Variants in NFATC2 observed in about 807,000 individuals in gnomAD.
NFATC2 encodes nuclear factor of activated T cells 2.
In NFATC2, 22 loss-of-function variants were observed where a neutral mutation model predicts 87.3. That is an observed-to-expected ratio of 0.25 (90% CI 0.18 to 0.36). The LOEUF (loss-of-function observed/expected upper bound fraction) is 0.36, where lower values mean the gene tolerates loss of function less well. Among genes scored for constraint, NFATC2 ranks in the 10% least tolerant of loss-of-function variants. The probability of loss-of-function intolerance (pLI) is 1.00; values close to 1 mark genes in which losing one functional copy is unlikely to be tolerated. For missense variants in NFATC2, 1,149 were observed against 1,259.1 expected (o/e 0.91, Z 1.32); for synonymous variants, 565 against 542.2 (o/e 1.04, Z -0.58).
intron 2 of NFATC2, among the ~76,000 whole-genome samples, chr20:51,517,533 A>C (rs2076371327): frequency 6.6e-6 from 1 of 151,946 alleles, no homozygotes. Flanking sequence ...TCAAGGTTGC[A>C]ATGAGCTGTG....
intron 6 of NFATC2, among the ~76,000 whole-genome samples, chr20:51,448,559 G>A (rs1292923199): frequency 6.6e-6 from 1 of 152,214 alleles, no homozygotes. Context: ...CAGGAGAATG[G>A]CGTGAACCTG....
At chr20:51,398,548 T>C in intron 10 of NFATC2, 95 bp downstream of exon 10, 1 of 770,856 alleles carries the variant, frequency 1.3e-6, no homozygotes, top group African/African-American at 2.0e-5. Flanking sequence ...CTTCAGCCTG[T>C]CAAGTTTTCT....
chr20:51,550,883 A>G (rs1232030939), intron 1 of NFATC2, among the ~76,000 whole-genome samples: 2 of 152,258 alleles, frequency 1.3e-5, no homozygotes, highest in African/African-American at 4.8e-5. Context: ...ATCGTAAAGA[A>G]AGCCTAAGTC....
rs1182058704 is a variant in NFATC2, at chr20:51,390,677, GT to G, written c.*818del. On this transcript the variant is annotated 3_prime_UTR_variant, in exon 11 of 11. Coordinates refer to ENST00000371564, the MANE Select transcript of NFATC2 (RefSeq NM_012340.5). ...GACAGCTCCAGGGCTAGGTGCCCTG[GT>G]CAGCCTTTTAAAGCAGAAAAAATAA... 1.3e-5 allele frequency: 2 copies of G among 153,904 alleles called. No homozygotes were observed. The highest frequency in any genetic ancestry group is 4.8e-5 in the African/African-American group (2 of 41,444). The allele number at this position is 153,904 out of a possible 1,614,324, so 9.5% of individuals were successfully genotyped here. A position where few individuals can be genotyped will look rare whatever the true frequency, so the allele number is the denominator to read the frequency against.
chr20:51,514,755 C>T (rs933049811), intron 3 of NFATC2, among the ~76,000 whole-genome samples: 1 of 152,180 alleles, frequency 6.6e-6, no homozygotes, highest in South Asian at 2.1e-4. Context: ...CACCTGTAAT[C>T]CCAGCTACTC....
At chr20:51,491,861 AACACACACATACACATACACACACACAC>A (rs1379301393) in intron 3 of NFATC2, among the ~76,000 whole-genome samples, 58 of 64,874 alleles carry the variant, frequency 8.9e-4, no homozygotes, top group Non-Finnish European at 1.5e-4. Flanking sequence ...CACCCCCACC[AACACACACATACACATACACACACACAC>A]ACACACACAC....
rs1983649979 is a variant in NFATC2 at position 51,436,805 on chromosome 20, TA to T, written c.1850-1045del. 2.0e-5 allele frequency among the ~76,000 whole-genome samples: 3 copies of T among 152,234 alleles called. No homozygotes were observed. In the South Asian group the frequency reaches 6.2e-4, roughly 32 times the overall value. On this transcript the variant is annotated intron_variant, in intron 6 of 10. Coordinates refer to ENST00000371564, the MANE Select transcript of NFATC2 (RefSeq NM_012340.5). ...CATTGTTATATGTTACACTTTATCC[TA>T]CGCCAAAGCTGTTAGAGAAGCGCCA...
chr20:51,499,389 C>G (rs374149136), intron 3 of NFATC2, among the ~76,000 whole-genome samples: 2 of 152,204 alleles, frequency 1.3e-5, no homozygotes, highest in African/African-American at 4.8e-5. Flanking sequence ...GGAAGGCCAA[C>G]AGGCCAACTG....
At chr20:51,514,528 A>T (rs559236365) in intron 3 of NFATC2, among the ~76,000 whole-genome samples, 1 of 152,326 alleles carries the variant, frequency 6.6e-6, no homozygotes, top group South Asian at 2.1e-4. Context: ...TAGAATTACA[A>T]GTAGTGGCAG....
chr20:51,527,359 T>C (rs922590247), intron 1 of NFATC2, among the ~76,000 whole-genome samples: 6 of 152,144 alleles, frequency 3.9e-5, no homozygotes, highest in South Asian at 2.1e-4. Flanking sequence ...AAGTACTGCA[T>C]GCTTCTAGAA....
intron 5 of NFATC2, among the ~76,000 whole-genome samples, chr20:51,455,484 G>A (rs1986303247): frequency 6.6e-6 from 1 of 151,572 alleles, no homozygotes; most frequent in Non-Finnish European, 1.5e-5. Context: ...ACCCAGCCCG[G>A]TCCCTCTCTC....
At chr20:51,449,815 G>A (rs1161137773) in intron 6 of NFATC2, among the ~76,000 whole-genome samples, 5 of 152,034 alleles carry the variant, frequency 3.3e-5, no homozygotes, top group Non-Finnish European at 7.4e-5. Context: ...CTATCTTTTG[G>A]GCTCTTATGA....
In NFATC2 at chr20:51,435,223, T is replaced by C. The variant is rs1983384048; in HGVS notation, c.1997A>G (p.Lys666Arg). ...GGTAAAGTGCTGAGGCTGACTTCGT[T>C]TTCTCTTCCCATTGATGACGTAGAA... Reference protein sequence around the residue: ...VNFYVINGKRKRSQPQHFTYH... With the variant: ...VNFYVINGKRRRSQPQHFTYH... The change falls in exon 8 of 11, where the codon AAA becomes AGA. Residue 666 changes from lysine to arginine, a missense_variant. By Grantham distance (26) the Lys-to-Arg change is conservative. This residue lies in a region of NFATC2 where 581 missense variants were observed against 649.7 expected (regional missense o/e 0.89). Coordinates refer to ENST00000371564, the MANE Select transcript of NFATC2 (RefSeq NM_012340.5). 6.2e-7 allele frequency: 1 copy of C among 1,614,186 alleles called. No homozygotes were observed. The highest frequency in any genetic ancestry group is 8.5e-7 in the Non-Finnish European group (1 of 1,180,018).
intron 3 of NFATC2, among the ~76,000 whole-genome samples, chr20:51,499,078 C>T (rs940633342): frequency 4.6e-5 from 7 of 152,068 alleles, no homozygotes; most frequent in East Asian, 1.9e-4. Flanking sequence ...CCGGGTGACA[C>T]GGCCTGGTCC....
chr20:51,507,395 G>C (rs2076202323), intron 3 of NFATC2, among the ~76,000 whole-genome samples: 1 of 152,180 alleles, frequency 6.6e-6, no homozygotes, highest in Non-Finnish European at 1.5e-5. Context: ...CTCAGACGTG[G>C]TTAATTCAAC....
chr20:51,450,289 C>A (rs1477791500), intron 6 of NFATC2, among the ~76,000 whole-genome samples: 2 of 152,320 alleles, frequency 1.3e-5, no homozygotes, highest in East Asian at 3.9e-4. Context: ...CCAGATCTCT[C>A]CCAGCCTAGG....
rs959656006 is a variant in NFATC2 at position 51,389,572 on chromosome 20, C to T, written c.*1924G>A. ...TAGGGGTCAACCTCTTACTGGCATT[C>T]TGTTTATTTAAAAGAGAATTTTGCT... On this transcript the variant is annotated 3_prime_UTR_variant, in exon 11 of 11. Coordinates refer to ENST00000371564, the MANE Select transcript of NFATC2 (RefSeq NM_012340.5). 3.3e-5 allele frequency: 5 copies of T among 152,150 alleles called. No individual in the cohort carries two copies. Among genetic ancestry groups the T allele is most frequent in the Non-Finnish European group, 7.4e-5 (5 of 68,012 alleles). 9.4% of individuals were successfully genotyped at this position (152,150 alleles called of 1,614,324 possible).
intron 9 of NFATC2, among the ~76,000 whole-genome samples, chr20:51,408,536 G>C (rs1222433612): frequency 7.7e-6 from 1 of 129,180 alleles, no homozygotes; most frequent in Non-Finnish European, 1.6e-5. Context: ...AAAAAAGCCA[G>C]AGCCCAGAAA....
rs1981933527 is a variant in NFATC2 at position 51,426,992 on chromosome 20, C to T, written c.2722+5075G>A. Among the ~76,000 whole-genome samples, 3 of 152,168 alleles carry T rather than the reference C, an allele frequency of 2.0e-5. No homozygotes were observed. In the South Asian group the frequency reaches 6.2e-4, roughly 32 times the overall value. Reference sequence around the variant, plus strand: ...CTGCACACATCAATATACTCTCTCTCACACACACAAGCTGCTATCCTCACA... The same window carrying T: ...CTGCACACATCAATATACTCTCTCTTACACACACAAGCTGCTATCCTCACA... On this transcript the variant is annotated intron_variant, in intron 9 of 10. Transcript: ENST00000371564.
Sources: gnomAD v4.1 joint callset for allele counts (sites outside exome capture counted in the v4.1 genomes callset) on GRCh38, gnomAD v4.1.1 for gene constraint, gnomAD v4.1.1 regional missense constraint, MANE v1.5 for transcripts, NCBI Gene and HGNC (gene_info 2026-07-23, HGNC 2026-07-21) for gene names.